CMC1: variants seen among roughly 807,000 people sequenced by gnomAD.
CMC1 encodes the protein COX assembly mitochondrial protein homolog.
A neutral mutation model predicts 14.1 loss-of-function variants in CMC1; 14 were observed. The observed-to-expected ratio is 0.99, with a 90% CI of 0.66 to 1.55. The LOEUF is 1.55. Ranked by LOEUF, CMC1 falls within the 40% of genes most tolerant of loss-of-function variation. CMC1 has a pLI of 0.00. For missense variants in CMC1, 127 were observed against 123.8 expected (o/e 1.03, Z -0.12); for synonymous variants, 50 against 38.4 (o/e 1.30, Z -1.12).
At chr3:28,272,557 G>A (rs895430569) in intron 2 of CMC1, among the ~76,000 whole-genome samples, 12 of 152,138 alleles carry the variant, frequency 7.9e-5, no homozygotes, top group African/African-American at 2.7e-4. Flanking sequence ...GCCTTGCATC[G>A]TGGGGATGAA....
intron 2 of CMC1, among the ~76,000 whole-genome samples, chr3:28,309,734 G>A (rs183180872): frequency 9.2e-5 from 14 of 151,502 alleles, no homozygotes; most frequent in African/African-American, 3.2e-4. Context: ...TGAGGATTTC[G>A]ATAGCCCTTA....
rs527536938 is a variant in CMC1 at position 28,323,743 on chromosome 3, G to A, written c.*4114G>A. 65 of 215,240 alleles carry A rather than the reference G, an allele frequency of 3.0e-4. No homozygotes were observed. In the South Asian group the frequency reaches 7.9e-3, roughly 26 times the overall value. The allele number at this position is 215,240 out of a possible 1,614,324, so 13.3% of individuals were successfully genotyped here. A position where few individuals can be genotyped will look rare whatever the true frequency, so the allele number is the denominator to read the frequency against. On this transcript the variant is annotated 3_prime_UTR_variant, in exon 4 of 4. Coordinates refer to ENST00000466830, the MANE Select transcript of CMC1 (RefSeq NM_182523.2). ...ACAATCTCCAATTCCATTCTTCTGAGAGGCAAAATTTTACAATTAATATAG... is the reference window on the plus strand; with the variant it reads ...ACAATCTCCAATTCCATTCTTCTGAAAGGCAAAATTTTACAATTAATATAG...
chr3:28,288,743 T>G (rs893267298), intron 2 of CMC1, among the ~76,000 whole-genome samples: 1 of 151,954 alleles, frequency 6.6e-6, no homozygotes. Context: ...ATGAATACAT[T>G]TGTGTGATAA....
Position 28,287,567 on chromosome 3 carries a change from T to C in CMC1, c.109+24187T>C, listed in dbSNP as rs555228617. Among the ~76,000 whole-genome samples, 16 of 152,236 alleles carry C rather than the reference T, an allele frequency of 1.1e-4. No individual in the cohort carries two copies. In the South Asian group the frequency reaches 1.7e-3, roughly 16 times the overall value. ...TATTTACATGTTTTAAATAAGCACA[T>C]TTCTATACTAAATTTGAAAATTCAC... is the stretch of plus-strand genomic sequence containing the variant. On this transcript the variant is annotated intron_variant, in intron 2 of 3. Transcript: ENST00000466830.
At chr3:28,289,008 CAT>C (rs942383935) in intron 2 of CMC1, among the ~76,000 whole-genome samples, 1 of 151,478 alleles carries the variant, frequency 6.6e-6, no homozygotes, top group Non-Finnish European at 1.5e-5. Context: ...GGTTTAAAAA[CAT>C]ATTTCCAATC....
intron 2 of CMC1, among the ~76,000 whole-genome samples, chr3:28,308,208 C>A (rs1338375563): frequency 6.6e-6 from 1 of 151,832 alleles, no homozygotes; most frequent in Admixed American, 6.6e-5. Flanking sequence ...GACTATTATG[C>A]TACCTAACAT....
chr3:28,285,419 C>A (rs1225852687), intron 2 of CMC1, among the ~76,000 whole-genome samples: 12 of 150,446 alleles, frequency 8.0e-5, no homozygotes, highest in Non-Finnish European at 1.3e-4. Flanking sequence ...AAAAAAAAAA[C>A]ACATGACTTT....
At chr3:28,247,255 G>A (rs963492116) in intron 1 of CMC1, among the ~76,000 whole-genome samples, 1 of 151,996 alleles carries the variant, frequency 6.6e-6, no homozygotes, top group Non-Finnish European at 1.5e-5. Flanking sequence ...GTATTAGAGA[G>A]TAAGAGCTGG....
chr3:28,242,652 C>G (rs1015286984), intron 1 of CMC1, among the ~76,000 whole-genome samples: 2 of 152,104 alleles, frequency 1.3e-5, no homozygotes, highest in African/African-American at 4.8e-5. Context: ...TCTCTATTAT[C>G]CAACAATAAT....
At chr3:28,305,976 G>T (rs1409921035) in intron 2 of CMC1, among the ~76,000 whole-genome samples, 3 of 151,532 alleles carry the variant, frequency 2.0e-5, no homozygotes, top group Admixed American at 1.3e-4. Flanking sequence ...TATTTACTTT[G>T]TTGAAAATCA....
At chr3:28,318,201 C>T (rs915512281) in intron 3 of CMC1, 2 of 151,732 alleles carry the variant, frequency 1.3e-5, no homozygotes, top group Admixed American at 1.3e-4. Flanking sequence ...TGTTTTTGCT[C>T]CTTTATTTCT....
At position 28,324,210 on chromosome 3, in the gene CMC1, A is replaced by G. The variant is rs150056137; in HGVS notation, c.*4581A>G. The G allele has an allele frequency of 1.9e-5, 31 of 1,610,594 alleles. No individual in the cohort carries two copies. In the African/African-American group the frequency reaches 3.5e-4, roughly 18 times the overall value. On this transcript the variant is annotated 3_prime_UTR_variant, in exon 4 of 4. Coordinates refer to ENST00000466830, the MANE Select transcript of CMC1 (RefSeq NM_182523.2). The stretch of plus-strand genomic sequence containing the variant: ...CTTCCAGAGAATTTCTGCCATAAGA[A>G]CTGTGTTCCTGAAAGCATGTACCAT...
chr3:28,269,284 T>C (rs566897720), intron 2 of CMC1, among the ~76,000 whole-genome samples: 28 of 152,346 alleles, frequency 1.8e-4, no homozygotes, highest in African/African-American at 6.7e-4. Flanking sequence ...TTAGCTCATA[T>C]GCTCATTATC....
At chr3:28,257,276 C>T (rs1302150741) in intron 1 of CMC1, among the ~76,000 whole-genome samples, 1 of 151,980 alleles carries the variant, frequency 6.6e-6, no homozygotes, top group Non-Finnish European at 1.5e-5. Context: ...CATATATAAC[C>T]ACTGTTGTAA....
intron 2 of CMC1, among the ~76,000 whole-genome samples, chr3:28,269,598 C>CT (rs776504567): frequency 2.2e-4 from 34 of 151,546 alleles, no homozygotes. Flanking sequence ...CCGAGTCTCT[C>CT]TCTGTTGCCT....
intron 1 of CMC1, among the ~76,000 whole-genome samples, chr3:28,254,873 C>T (rs1164459593): frequency 6.6e-6 from 1 of 152,162 alleles, no homozygotes; most frequent in Non-Finnish European, 1.5e-5. Context: ...TGAATAGTTA[C>T]TGATGTCTAG....
At chr3:28,272,620 G>T (rs1700354910) in intron 2 of CMC1, among the ~76,000 whole-genome samples, 1 of 152,130 alleles carries the variant, frequency 6.6e-6, no homozygotes, top group Non-Finnish European at 1.5e-5. Flanking sequence ...GATTTGGTTT[G>T]CCAGTATTTT....
chr3:28,245,178 A>C (rs1017235701), intron 1 of CMC1, among the ~76,000 whole-genome samples: 1 of 152,168 alleles, frequency 6.6e-6, no homozygotes, highest in African/African-American at 2.4e-5. Context: ...TTTGGCAGCA[A>C]CTTTTAATTA....
chr3:28,255,931 A>G (rs1699382066), intron 1 of CMC1, among the ~76,000 whole-genome samples: 1 of 152,134 alleles, frequency 6.6e-6, no homozygotes, highest in Non-Finnish European at 1.5e-5. Context: ...AAGGCGAAAT[A>G]GATAGGGTCA....
Sources: gnomAD v4.1 joint callset for allele counts (sites outside exome capture counted in the v4.1 genomes callset) on GRCh38, gnomAD v4.1.1 for gene constraint, MANE v1.5 for transcripts, NCBI Gene and HGNC (gene_info 2026-07-23, HGNC 2026-07-21) for gene names.